Variants in NXPE3 observed in about 807,000 individuals in gnomAD.
NXPE3 encodes the protein neurexophilin and PC-esterase domain family member 3.
Under a neutral mutation model 46.1 loss-of-function variants are expected in NXPE3, and 26 were observed. That is an observed-to-expected ratio of 0.56 (90% CI 0.41 to 0.78). The LOEUF (loss-of-function observed/expected upper bound fraction) is 0.78. Among genes scored for constraint, NXPE3 ranks in the 30% least tolerant of loss-of-function variants. The pLI, the probability that NXPE3 is intolerant of heterozygous loss-of-function variation, is 0.00. For synonymous variants in NXPE3, 272 were observed against 257.9 expected (o/e 1.05, Z -0.52); for missense variants, 620 against 686.0 (o/e 0.90, Z 1.07).
intron 6 of NXPE3, among the ~76,000 whole-genome samples, chr3:101,808,453 G>T (rs559860563): frequency 6.6e-6 from 1 of 152,174 alleles, no homozygotes; most frequent in South Asian, 2.1e-4. Context: ...TTGTATGAGT[G>T]GTGGGGAAGG....
chr3:101,800,726 C>G (rs1190226190), intron 4 of NXPE3, among the ~76,000 whole-genome samples: 1 of 151,268 alleles, frequency 6.6e-6, no homozygotes, highest in Non-Finnish European at 1.5e-5. Flanking sequence ...GGAGAATTGA[C>G]TCCTTTATTA....
chr3:101,808,839 A>ATG lies in NXPE3; in HGVS notation c.922+1714_922+1715insGT, dbSNP rs1289170861. ...AGAGGATATATATATATATATATATATATATATATATATATATGAGACATT... is the reference window on the plus strand; with the variant it reads ...AGAGGATATATATATATATATATATATGTATATATATATATATATGAGACATT... On this transcript the variant is annotated intron_variant, in intron 6 of 7. Transcript: ENST00000273347. 3.1e-4 allele frequency among the ~76,000 whole-genome samples: 37 copies of ATG among 121,048 alleles called. 1 individual carries two copies. Among genetic ancestry groups the ATG allele is most frequent in the Non-Finnish European group, 5.3e-4 (31 of 58,586 alleles). The allele number at this position is 121,048 out of a possible 152,430, so 79.4% of individuals were successfully genotyped here.
chr3:101,792,497 C>T (rs1196425492), intron 4 of NXPE3, among the ~76,000 whole-genome samples: 2 of 152,088 alleles, frequency 1.3e-5, no homozygotes, highest in Non-Finnish European at 2.9e-5. Context: ...CCAGTTATTC[C>T]AGCACCGTTT....
intron 4 of NXPE3, among the ~76,000 whole-genome samples, chr3:101,792,499 G>A (rs968841311): frequency 6.6e-6 from 1 of 152,142 alleles, no homozygotes; most frequent in African/African-American, 2.4e-5. Context: ...AGTTATTCCA[G>A]CACCGTTTAT....
Position 101,801,314 on chromosome 3 carries a change from G to A in NXPE3, c.173G>A (p.Ser58Asn), listed in dbSNP as rs551278520. ...GTTTCCTCCCAGGTGACAGGAATTA[G>A]CCGAAATCCCTACTGTGGCTATGAT... ...QFVSSQVTGISRNPYCGYDQQ... is the reference protein window; with the variant it reads ...QFVSSQVTGINRNPYCGYDQQ... The change falls in exon 5 of 8, where the codon AGC becomes AAC. Residue 58 changes from serine to asparagine, a missense_variant. Transcript: ENST00000273347. 2.0e-5 allele frequency: 32 copies of A among 1,614,220 alleles called. No homozygotes were observed. In the Middle Eastern group the frequency reaches 6.6e-4, roughly 33 times the overall value.
rs200277463 is a variant in NXPE3, at chr3:101,821,665, G to A, written c.1391G>A (p.Arg464His). 6 of 1,614,068 alleles carry A rather than the reference G, an allele frequency of 3.7e-6. No homozygotes were observed. Among genetic ancestry groups the A allele is most frequent in the African/African-American group, 1.3e-5 (1 of 74,920 alleles). The part of the protein sequence containing the change: ...EVYIRRLRNI[R>H]RAVVRLLDRS... ...TACATCCGGCGGCTCAGGAACATCCGTCGAGCAGTGGTTCGGCTCCTCGAT... is the reference window on the plus strand; with the variant it reads ...TACATCCGGCGGCTCAGGAACATCCATCGAGCAGTGGTTCGGCTCCTCGAT... Residue 464 changes from arginine to histidine, a missense_variant, in exon 8 of 8, where the codon CGT (arginine) becomes CAT (histidine). By Grantham distance (29) the Arg-to-His change is conservative (BLOSUM62 0). This residue lies in a region of NXPE3 where 75 missense variants were observed against 121.1 expected (regional missense o/e 0.62). Transcript: ENST00000273347.
chr3:101,818,751 A>AATT (rs1942107218), intron 7 of NXPE3, among the ~76,000 whole-genome samples: 3 of 11,618 alleles, frequency 2.6e-4, no homozygotes, highest in African/African-American at 8.0e-4. Context: ...ATATATATAT[A>AATT]TATTTTTTTT....
intron 4 of NXPE3, among the ~76,000 whole-genome samples, chr3:101,795,077 G>T (rs996719520): frequency 8.5e-5 from 13 of 152,172 alleles, no homozygotes; most frequent in Non-Finnish European, 1.3e-4. Context: ...AAAGAAGCTT[G>T]GAGTAAATGG....
Position 101,801,567 on chromosome 3 carries a change from C to A in NXPE3, c.426C>A (p.Asp142Glu), listed in dbSNP as rs774767986. 2.5e-6 allele frequency: 4 copies of A among 1,614,210 alleles called. No homozygotes were observed. The highest frequency in any genetic ancestry group is 3.4e-6 in the Non-Finnish European group (4 of 1,180,038). The change falls in exon 5 of 8, where the codon GAC becomes GAA. Residue 142 changes from aspartate (D) to glutamate (E), a missense_variant. Transcript: ENST00000273347. The part of the protein sequence containing the change: ...FQRKPKKYGG[D>E]YLQARIHSLK... ...GAAAGCCCAAGAAGTATGGTGGAGA[C>A]TACCTGCAGGCCAGAATTCACTCCC...
chr3:101,784,306 A>G (rs970977602), intron 3 of NXPE3, among the ~76,000 whole-genome samples: 1 of 152,196 alleles, frequency 6.6e-6, no homozygotes, highest in African/African-American at 2.4e-5. Context: ...AAAAAAATAC[A>G]AATAGAGATC....
At chr3:101,804,259 G>A (rs1042820444) in intron 5 of NXPE3, among the ~76,000 whole-genome samples, 1 of 152,194 alleles carries the variant, frequency 6.6e-6, no homozygotes, top group African/African-American at 2.4e-5. Context: ...AACTAAATTA[G>A]TGTAAAACTT....
rs184522021 is a variant in NXPE3 at position 101,817,104 on chromosome 3, A to G, written c.1129+103A>G. On this transcript the variant is annotated intron_variant, in intron 7 of 7. Transcript: ENST00000273347. The stretch of plus-strand genomic sequence containing the variant: ...GAAAGGTTATCAGGTGAGGAAACAT[A>G]TATTTCTGTGTAGGACTAAAGAGGT... The G allele has an allele frequency of 7.3e-5, 74 of 1,018,060 alleles. 2 individuals are homozygous for G. In the Admixed American group the frequency reaches 7.6e-4, roughly 10 times the overall value. 63.1% of individuals were successfully genotyped at this position (1,018,060 alleles called of 1,614,324 possible).
chr3:101,790,424 G>A (rs1940438998), intron 4 of NXPE3, among the ~76,000 whole-genome samples: 1 of 152,100 alleles, frequency 6.6e-6, no homozygotes. Context: ...GTACATAAAT[G>A]TTTAGAATTG....
chr3:101,816,697 A>G, intron 6 of NXPE3, 98 bp from the exon 7 acceptor site: 2 of 886,116 alleles, frequency 2.3e-6, no homozygotes, highest in Non-Finnish European at 3.5e-6. Flanking sequence ...ACATGCTATC[A>G]GGCTAACAAA....
intron 6 of NXPE3, among the ~76,000 whole-genome samples, chr3:101,811,727 A>ATTTTTTT (rs33999838): frequency 1.0e-5 from 1 of 98,626 alleles, no homozygotes; most frequent in East Asian, 2.8e-4. Context: ...GCAGTAGTTA[A>ATTTTTTT]TTTTTTTTTT....
Position 101,779,265 on chromosome 3 carries a change from A to C in NXPE3, c.-557A>C, listed in dbSNP as rs1488541675. The C allele has an allele frequency of 6.6e-6, 1 of 152,238 alleles. No homozygotes were observed. Among genetic ancestry groups the C allele is most frequent in the East Asian group, 1.9e-4 (1 of 5,192 alleles). The allele number at this position is 152,238 out of a possible 1,614,324, so 9.4% of individuals were successfully genotyped here. On this transcript the variant is annotated 5_prime_UTR_variant, in exon 1 of 8. Transcript: ENST00000273347. ...GGGCTAGCGGCCTGGCGCTGCGGCG[A>C]CCGACCGGGGCGTCAGGATCCCTGG...
intron 4 of NXPE3, among the ~76,000 whole-genome samples, chr3:101,792,662 T>G (rs547107440): frequency 3.9e-5 from 6 of 152,278 alleles, no homozygotes; most frequent in Non-Finnish European, 5.9e-5. Context: ...TTTTGGTTAC[T>G]GTTGCCTTGT....
At chr3:101,807,759 A>T (rs1385270274) in intron 6 of NXPE3, among the ~76,000 whole-genome samples, 2 of 152,134 alleles carry the variant, frequency 1.3e-5, no homozygotes, top group Admixed American at 1.3e-4. Flanking sequence ...ATCAATTAAG[A>T]TTAAATAAAA....
chr3:101,809,417 A>G (rs1288319654), intron 6 of NXPE3, among the ~76,000 whole-genome samples: 1 of 152,162 alleles, frequency 6.6e-6, no homozygotes, highest in African/African-American at 2.4e-5. Context: ...AAGGGCTCAT[A>G]ATTTTTTTTC....
Sources: allele counts gnomAD v4.1 joint callset (sites outside exome capture counted in the v4.1 genomes callset), GRCh38; gene constraint gnomAD v4.1.1; regional missense constraint gnomAD v4.1.1; transcripts MANE v1.5; gene names NCBI Gene and HGNC (gene_info 2026-07-23, HGNC 2026-07-21).